Variants in TRPV1 observed in about 807,000 individuals in gnomAD.
TRPV1 encodes transient receptor potential cation channel subfamily V member 1, also known as OTRPC1.
Under a neutral mutation model 82.3 loss-of-function variants are expected in TRPV1, and 82 were observed. The ratio of observed to expected loss-of-function variants is 1.00; its 90% CI spans 0.83 to 1.20. The LOEUF (loss-of-function observed/expected upper bound fraction) is 1.20, where lower values mean the gene tolerates loss of function less well. Ranked by LOEUF, TRPV1 falls within the 50% of genes most tolerant of loss-of-function variation. The probability of loss-of-function intolerance (pLI) is 0.00; values close to 1 mark genes in which losing one functional copy is unlikely to be tolerated. For missense variants in TRPV1, 1,067 were observed against 1,096.8 expected, an observed-to-expected ratio of 0.97 and a Z score of 0.38; for synonymous variants, 515 against 467.7, an observed-to-expected ratio of 1.10 and a Z score of -1.30.
intron 8 of TRPV1, 120 bp downstream of exon 8, chr17:3,588,067 TG>T: frequency 8.3e-7 from 1 of 1,211,512 alleles, no homozygotes; most frequent in Non-Finnish European, 1.1e-6. Context: ...CTGCAGGGCC[TG>T]GGCCCGGGCG....
chr17:3,586,776 T>TATAAA (rs562119113), intron 8 of TRPV1, among the ~76,000 whole-genome samples: 2 of 152,068 alleles, frequency 1.3e-5, no homozygotes, highest in Middle Eastern at 3.4e-3. Context: ...TGTCTCAAAA[T>TATAAA]ATAAAATAAA....
rs201029035 is a variant in TRPV1, at chr17:3,590,081, G to C, written c.770C>G (p.Ala257Gly). Residue 257 changes from alanine (A) to glycine (G), a missense_variant, in exon 7 of 17, where the codon GCG (alanine) becomes GGG (glycine). By Grantham distance (60) the Ala-to-Gly change is moderately conservative (BLOSUM62 0). Transcript: ENST00000572705. ...CACGATGCCCAGCTGGTTGGTGCAC[G>C]CGGCCAGGGACAGGGGCAGTTCACC... ...YFGELPLSLA[A>G]CTNQLGIVKF... 1.4e-5 allele frequency: 23 copies of C among 1,606,618 alleles called. No individual in the cohort carries two copies. The highest frequency in any genetic ancestry group is 1.7e-5 in the Non-Finnish European group (20 of 1,176,856).
chr17:3,580,413 G>A (rs1344959816), intron 11 of TRPV1, 44 bp downstream of exon 11: 1 of 1,607,258 alleles, frequency 6.2e-7, no homozygotes, highest in South Asian at 1.1e-5. Flanking sequence ...ACTGATTGCG[G>A]TCACCTGGGG....
chr17:3,586,194 C>T (rs1567667546), intron 8 of TRPV1, among the ~76,000 whole-genome samples: 1 of 152,180 alleles, frequency 6.6e-6, no homozygotes, highest in Non-Finnish European at 1.5e-5. Context: ...CTTAAGTGCT[C>T]ACTTAATGGC....
rs1377863255 is a variant in TRPV1, at chr17:3,567,203, C to CAA, written c.2348-218_2348-217dup. ...TGAAACCCCATCTCTACTAAAAATA[C>CAA]AAAAAAAAAAAAAAAAATTGGCCGG... On this transcript the variant is annotated intron_variant, in intron 16 of 16. Transcript: ENST00000572705. Among the ~76,000 whole-genome samples the CAA allele has an allele frequency of 2.9e-4, 30 of 105,172 alleles. 1 individual carries two copies. Among genetic ancestry groups the CAA allele is most frequent in the Non-Finnish European group, 2.0e-4 (10 of 49,570 alleles). The allele number at this position is 105,172 out of a possible 152,430, so 69.0% of individuals were successfully genotyped here. A position where few individuals can be genotyped will look rare whatever the true frequency, so the allele number is the denominator to read the frequency against.
At chr17:3,604,539 A>C (rs552414293) in intron 2 of TRPV1, among the ~76,000 whole-genome samples, 3 of 151,564 alleles carry the variant, frequency 2.0e-5, no homozygotes, top group Admixed American at 6.6e-5. Context: ...CGGAGGTTGC[A>C]GTGAGCCAAG....
intron 2 of TRPV1, among the ~76,000 whole-genome samples, chr17:3,601,197 C>T (rs2075260091): frequency 6.6e-6 from 1 of 152,118 alleles, no homozygotes; most frequent in South Asian, 2.1e-4. Context: ...GTTTCTGTGG[C>T]TTCCGTCCAT....
chr17:3,572,264 C>A lies in TRPV1; in HGVS notation c.2104-15G>T. The A allele has an allele frequency of 6.2e-7, 1 of 1,602,022 alleles. No individual in the cohort carries two copies. The highest frequency in any genetic ancestry group is 1.1e-5 in the South Asian group (1 of 89,000). On this transcript the variant is annotated splice_polypyrimidine_tract_variant and intron_variant, in intron 14 of 16. Transcript: ENST00000572705. ...GTGATGGCTCTCTGCAGGAAGACAC[C>A]AAGGGCAGAGGAGCTGAGGGGCAGA...
intron 2 of TRPV1, among the ~76,000 whole-genome samples, chr17:3,603,064 G>A (rs989188340): frequency 3.3e-5 from 5 of 151,918 alleles, no homozygotes; most frequent in African/African-American, 7.3e-5. Flanking sequence ...GAGGTTGCAT[G>A]AGCTGAGATC....
intron 8 of TRPV1, among the ~76,000 whole-genome samples, 183 bp from the exon 9 acceptor site, chr17:3,586,109 G>A (rs1372518381): frequency 6.6e-6 from 1 of 152,246 alleles, no homozygotes; most frequent in Non-Finnish European, 1.5e-5. Context: ...GCACTGCCGC[G>A]GCTCACGGAG....
At chr17:3,574,597 T>C (rs929350999) in intron 13 of TRPV1, among the ~76,000 whole-genome samples, 6 of 152,162 alleles carry the variant, frequency 3.9e-5, no homozygotes, top group Non-Finnish European at 5.9e-5. Context: ...GGGTGCACCA[T>C]GTGAACCACG....
chr17:3,597,101 C>G (rs998437933), intron 2 of TRPV1: 1 of 152,472 alleles, frequency 6.6e-6, no homozygotes, highest in South Asian at 2.1e-4. Context: ...CCCTTCGGCA[C>G]TCAAGGAAAA....
chr17:3,577,809 G>T, intron 11 of TRPV1, 46 bp from the exon 12 acceptor site: 2 of 1,547,948 alleles, frequency 1.3e-6, no homozygotes, highest in Non-Finnish European at 8.8e-7. Context: ...AACCCAGGAG[G>T]CCTGGCACCC....
At chr17:3,577,454 C>T in intron 12 of TRPV1, 144 bp downstream of exon 12, 1 of 1,165,752 alleles carries the variant, frequency 8.6e-7, no homozygotes, top group Non-Finnish European at 1.2e-6. Flanking sequence ...GGCCAGATTG[C>T]TTGATTCTTG....
Position 3,572,123 on chromosome 17 carries a change from T to G in TRPV1, c.2230A>C (p.Arg744=), listed in dbSNP as rs200730890. ...DGKDDYRWCF[R]VDEVNWTTWN... is the part of the protein sequence containing the mutation. Reference sequence around the variant, plus strand: ...ATTCAGGTGGAGCCTGGGCATTACCTGAAGCACCACCGGTAGTCGTCCTTG... The same window carrying G: ...ATTCAGGTGGAGCCTGGGCATTACCGGAAGCACCACCGGTAGTCGTCCTTG... The change falls in exon 15 of 17, where the codon AGG becomes CGG. Residue 744 remains arginine (R), a splice_region_variant and synonymous_variant. Coordinates refer to ENST00000572705, the MANE Select transcript of TRPV1 (RefSeq NM_080704.4). 1 of 1,612,816 alleles carries G rather than the reference T, an allele frequency of 6.2e-7. No individual in the cohort carries two copies. The highest frequency in any genetic ancestry group is 8.5e-7 in the Non-Finnish European group (1 of 1,179,246).
In TRPV1 at chr17:3,566,810, C is replaced by T. The variant is rs780994939; in HGVS notation, c.*5G>A. On this transcript the variant is annotated 3_prime_UTR_variant, in exon 17 of 17. Coordinates refer to ENST00000572705, the MANE Select transcript of TRPV1 (RefSeq NM_080704.4). ...AGTGTTGACAGTGCTGTCTGCGTGA[C>T]GTCCTCACTTCTCCCCGGAAGCGGC... is the stretch of plus-strand genomic sequence containing the variant. 17 of 1,613,014 alleles carry T rather than the reference C, an allele frequency of 1.1e-5. No individual in the cohort carries two copies. Among genetic ancestry groups the T allele is most frequent in the African/African-American group, 2.7e-5 (2 of 74,922 alleles).
At chr17:3,568,385 A>G (rs1375199484) in intron 16 of TRPV1, among the ~76,000 whole-genome samples, 4 of 152,144 alleles carry the variant, frequency 2.6e-5, no homozygotes, top group Admixed American at 2.0e-4. Flanking sequence ...CTATCTTTCA[A>G]TAGCTCTCTG....
At chr17:3,602,991 CAT>C (rs1302112528) in intron 2 of TRPV1, among the ~76,000 whole-genome samples, 3 of 152,126 alleles carry the variant, frequency 2.0e-5, no homozygotes, top group Non-Finnish European at 4.4e-5. Flanking sequence ...CGTGGTGGTG[CAT>C]GCCTGTAATC....
In TRPV1 at chr17:3,588,338, G is replaced by C. The variant is rs1194846931; in HGVS notation, c.1074C>G (p.Ile358Met). ...ACAGGTGCCTGCACTCGGGCTCCTGGATCTCCCGCTGGAGAATATAGGCCA... is the reference window on the plus strand; with the variant it reads ...ACAGGTGCCTGCACTCGGGCTCCTGCATCTCCCGCTGGAGAATATAGGCCA... ...GVLAYILQRE[I>M]QEPECRHLSR... Residue 358 changes from isoleucine (I) to methionine (M), a missense_variant, in exon 8 of 17, where the codon ATC becomes ATG. Transcript: ENST00000572705. The C allele has an allele frequency of 6.4e-7, 1 of 1,562,498 alleles. No homozygotes were observed. The highest frequency in any genetic ancestry group is 1.4e-5 in the African/African-American group (1 of 73,374).
Sources: gnomAD v4.1 joint callset for allele counts (sites outside exome capture counted in the v4.1 genomes callset) on GRCh38, gnomAD v4.1.1 for gene constraint, MANE v1.5 for transcripts, NCBI Gene and HGNC (gene_info 2026-07-23, HGNC 2026-07-21) for gene names.